ABCE1: variants seen among roughly 807,000 people sequenced by gnomAD.
ABCE1 encodes ATP-binding cassette sub-family E member 1.
ABCE1 carries 22 observed loss-of-function variants against 83.4 expected under a neutral mutation model. That is an observed-to-expected ratio of 0.26 (90% CI 0.19 to 0.38). The LOEUF is 0.38. ABCE1 is among the 10% of genes least tolerant of loss of function. ABCE1 has a pLI of 1.00. For synonymous variants in ABCE1, 204 were observed against 233.7 expected (o/e 0.87, Z 1.16); for missense variants, 330 against 721.9 (o/e 0.46, Z 6.22).
chr4:145,112,657 A>C (rs949907873), intron 9 of ABCE1, among the ~76,000 whole-genome samples: 5 of 152,146 alleles, frequency 3.3e-5, no homozygotes, highest in African/African-American at 1.2e-4. Context: ...ACACGCACGC[A>C]CACGCTTAGA....
At position 145,123,360 on chromosome 4, in the gene ABCE1, A is replaced by G; in HGVS notation, c.1517+3A>G. Reference sequence around the variant, plus strand: ...ATGGCAGCTCGAGTTGTCAAACGGTAAATATCTTGCTCCTAGCCATATTTT... The same window carrying G: ...ATGGCAGCTCGAGTTGTCAAACGGTGAATATCTTGCTCCTAGCCATATTTT... On this transcript the variant is annotated splice_donor_region_variant and intron_variant, in intron 15 of 17. Transcript: ENST00000296577. 6.2e-7 allele frequency: 1 copy of G among 1,602,558 alleles called. No homozygotes were observed. The highest frequency in any genetic ancestry group is 8.5e-7 in the Non-Finnish European group (1 of 1,173,634).
chr4:145,098,772 G>A (rs1748980799), intron 1 of ABCE1, among the ~76,000 whole-genome samples: 1 of 152,230 alleles, frequency 6.6e-6, no homozygotes, highest in African/African-American at 2.4e-5. Context: ...AGAACTTACA[G>A]CACTCTCTAG....
chr4:145,111,224 C>G, intron 8 of ABCE1, 160 bp downstream of exon 8: 2 of 472,578 alleles, frequency 4.2e-6, no homozygotes, highest in Non-Finnish European at 3.7e-6. Context: ...ATCCACTACT[C>G]ATTTTCCCTG....
intron 13 of ABCE1, 105 bp downstream of exon 13, chr4:145,121,496 C>G: frequency 1.2e-6 from 1 of 809,234 alleles, no homozygotes; most frequent in South Asian, 1.8e-5. Context: ...AGATTCTATA[C>G]AGTTTTATTG....
intron 4 of ABCE1, 135 bp downstream of exon 4, chr4:145,108,247 T>C (rs1403356383): frequency 2.6e-6 from 2 of 769,142 alleles, no homozygotes; most frequent in African/African-American, 3.5e-5. Flanking sequence ...TATAACATCA[T>C]GCAGAATCAT....
chr4:145,128,336 G>C lies in ABCE1; in HGVS notation c.*763G>C, dbSNP rs1413918269. The C allele has an allele frequency of 6.6e-6, 1 of 152,452 alleles. No individual in the cohort carries two copies. Among genetic ancestry groups the C allele is most frequent in the Non-Finnish European group, 1.5e-5 (1 of 68,006 alleles). The allele number at this position is 152,452 out of a possible 1,614,324, so 9.4% of individuals were successfully genotyped here. A position where few individuals can be genotyped will look rare whatever the true frequency, so the allele number is the denominator to read the frequency against. ...ACATATATTTATATAATCACTGATT[G>C]AGATTTAGGAAAAAGCATTTCTAAA... On this transcript the variant is annotated 3_prime_UTR_variant, in exon 18 of 18. Transcript: ENST00000296577.
At chr4:145,112,675 A>G (rs565547619) in intron 9 of ABCE1, among the ~76,000 whole-genome samples, 1 of 152,286 alleles carries the variant, frequency 6.6e-6, no homozygotes, top group South Asian at 2.1e-4. Flanking sequence ...AGAATTTGTA[A>G]GAATCACTAG....
chr4:145,123,656 A>T, intron 16 of ABCE1, 56 bp downstream of exon 16: 1 of 1,488,252 alleles, frequency 6.7e-7, no homozygotes, highest in Non-Finnish European at 9.1e-7. Flanking sequence ...TCCAGTAAAT[A>T]GTAAAGTCAC....
chr4:145,119,463 A>G (rs1385540256), intron 10 of ABCE1, among the ~76,000 whole-genome samples: 3 of 151,978 alleles, frequency 2.0e-5, no homozygotes, highest in African/African-American at 7.2e-5. Flanking sequence ...ATGAACCTGC[A>G]GGATTAATTT....
chr4:145,119,179 A>G (rs927296257), intron 10 of ABCE1, among the ~76,000 whole-genome samples: 1 of 151,900 alleles, frequency 6.6e-6, no homozygotes, highest in South Asian at 2.1e-4. Flanking sequence ...CTCAGTTCCA[A>G]ATAAAATGAA....
At chr4:145,117,964 T>C (rs912219881) in intron 10 of ABCE1, among the ~76,000 whole-genome samples, 2 of 151,738 alleles carry the variant, frequency 1.3e-5, no homozygotes, top group Admixed American at 1.3e-4. Context: ...CTTACCTGTG[T>C]AATTTAAGCA....
At chr4:145,111,274 T>G (rs556041409) in intron 8 of ABCE1, 120 of 414,018 alleles carry the variant, frequency 2.9e-4, no homozygotes, top group Middle Eastern at 6.3e-4. Flanking sequence ...TTTAGATAGT[T>G]TATAACTGAT....
rs1749283706 is a variant in ABCE1 at position 145,105,701 on chromosome 4, T to C, written c.189+11T>C. 3.2e-6 allele frequency: 5 copies of C among 1,543,632 alleles called. No homozygotes were observed. The highest frequency in any genetic ancestry group is 3.4e-5 in the Admixed American group (2 of 58,036). ...GGTATCTGTATTAAGGTAAGTAATA[T>C]TTTATTTACTGGATCAAACGTGTAA... is the stretch of plus-strand genomic sequence containing the variant. On this transcript the variant is annotated intron_variant, in intron 3 of 17. Transcript: ENST00000296577.
At chr4:145,109,396 T>G (rs145492249) in intron 5 of ABCE1, 147 bp downstream of exon 5, 1 of 521,366 alleles carries the variant, frequency 1.9e-6, no homozygotes, top group African/African-American at 2.0e-5. Context: ...AGCTCTTTTG[T>G]ACTTTTGAAC....
At chr4:145,112,727 G>A (rs574861704) in intron 9 of ABCE1, among the ~76,000 whole-genome samples, 28 of 152,250 alleles carry the variant, frequency 1.8e-4, no homozygotes, top group African/African-American at 5.8e-4. Context: ...CAAAAGAAAA[G>A]AAAATTATCA....
At position 145,121,701 on chromosome 4, in the gene ABCE1, GTC is replaced by G. The variant is rs1420552650; in HGVS notation, c.1263+314_1263+315del. ...ATCCTGGCTAACATGGTGAAACCCT[GTC>G]TCTACTAAAACTACAAAAAACTAGC... On this transcript the variant is annotated intron_variant, in intron 13 of 17. Coordinates refer to ENST00000296577, the MANE Select transcript of ABCE1 (RefSeq NM_002940.3). 4.6e-5 allele frequency: 11 copies of G among 237,822 alleles called. No individual in the cohort carries two copies. In the East Asian group the frequency reaches 8.2e-4, roughly 18 times the overall value. 14.7% of individuals were successfully genotyped at this position (237,822 alleles called of 1,614,324 possible).
chr4:145,104,296 A>G, intron 1 of ABCE1, 90 bp from the exon 2 acceptor site: 1 of 489,886 alleles, frequency 2.0e-6, no homozygotes, highest in Non-Finnish European at 3.5e-6. Flanking sequence ...TCATCTCCAT[A>G]TAATGATCAT....
intron 17 of ABCE1, among the ~76,000 whole-genome samples, chr4:145,126,273 G>T (rs1164337190): frequency 4.6e-5 from 7 of 152,078 alleles, no homozygotes; most frequent in African/African-American, 1.7e-4. Flanking sequence ...AGCATTTCTG[G>T]GTTGTTTTTT....
In ABCE1 at chr4:145,127,723, G is replaced by A; in HGVS notation, c.*150G>A. The A allele has an allele frequency of 2.0e-6, 1 of 509,718 alleles. No individual in the cohort carries two copies. The highest frequency in any genetic ancestry group is 4.1e-5 in the South Asian group (1 of 24,546). 31.6% of individuals were successfully genotyped at this position (509,718 alleles called of 1,614,324 possible). On this transcript the variant is annotated 3_prime_UTR_variant, in exon 18 of 18. Coordinates refer to ENST00000296577, the MANE Select transcript of ABCE1 (RefSeq NM_002940.3). ...TAATATAACATAAAAAGCCAGTTGGGTTCTAAATTGTAGTTGAAACACAGA... is the reference window on the plus strand; with the variant it reads ...TAATATAACATAAAAAGCCAGTTGGATTCTAAATTGTAGTTGAAACACAGA...
Sources: allele counts gnomAD v4.1 joint callset (sites outside exome capture counted in the v4.1 genomes callset), GRCh38; gene constraint gnomAD v4.1.1; transcripts MANE v1.5; gene names NCBI Gene and HGNC (gene_info 2026-07-23, HGNC 2026-07-21).